The following MTCH2 variants were observed in gnomAD, a reference collection of about 807,000 sequenced individuals.
MTCH2 encodes the protein mitochondrial carrier homolog 2.
A neutral mutation model predicts 50.6 loss-of-function variants in MTCH2; 25 were observed. That is an observed-to-expected ratio of 0.49 (90% CI 0.36 to 0.69). The LOEUF (loss-of-function observed/expected upper bound fraction) is 0.69, where lower values mean the gene tolerates loss of function less well. Ranked by LOEUF, MTCH2 falls within the 30% of genes least tolerant of loss-of-function variation. The probability of loss-of-function intolerance (pLI) is 0.00; values close to 1 mark genes in which losing one functional copy is unlikely to be tolerated. For missense variants in MTCH2, 273 were observed against 384.4 expected, an observed-to-expected ratio of 0.71 and a Z score of 2.42; for synonymous variants, 106 against 132.0, an observed-to-expected ratio of 0.80 and a Z score of 1.35.
chr11:47,642,332 G>A (rs1210254919), intron 1 of MTCH2, 47 bp downstream of exon 1: 2 of 1,445,782 alleles, frequency 1.4e-6, no homozygotes, highest in Admixed American at 4.7e-5. Flanking sequence ...GAGCAGCAGC[G>A]ACCGAACGGG....
At chr11:47,612,978 A>G (rs1188997895), downstream of MTCH2, among the ~76,000 whole-genome samples, 1 of 152,070 alleles carries the variant, frequency 6.6e-6, no homozygotes, top group Non-Finnish European at 1.5e-5. Context: ...ATGATAGCTC[A>G]CCGCAGCCTC....
At chr11:47,629,125 C>G in intron 8 of MTCH2, 79 bp from the exon 9 acceptor site, 1 of 1,230,686 alleles carries the variant, frequency 8.1e-7, no homozygotes, top group Non-Finnish European at 1.2e-6. Context: ...AAATGTTTGT[C>G]AAATAATTAG....
At chr11:47,639,707 G>A (rs1197158035) in intron 1 of MTCH2, among the ~76,000 whole-genome samples, 4 of 151,894 alleles carry the variant, frequency 2.6e-5, no homozygotes, top group African/African-American at 7.3e-5. Flanking sequence ...GCGTAGGGGC[G>A]GGCGCCTGTA....
rs150994975 is a variant in MTCH2 at position 47,638,774 on chromosome 11, G to C, written c.204C>G (p.Arg68=). The change falls in exon 3 of 13, where the codon CGC becomes CGG. Residue 68 remains arginine (R), a synonymous_variant. Transcript: ENST00000302503. ...TTGGAGTTAAGCCTGTGAACAACCC[G>C]CGCCTCCCATCGATACTGGCAATGT... is the stretch of plus-strand genomic sequence containing the variant. ...AQHIASIDGR[R]GLFTGLTPRL... 1 of 1,403,298 alleles carries C rather than the reference G, an allele frequency of 7.1e-7. No individual in the cohort carries two copies. Among genetic ancestry groups the C allele is most frequent in the Non-Finnish European group, 9.3e-7 (1 of 1,078,838 alleles). The allele number at this position is 1,403,298 out of a possible 1,614,324, so 86.9% of individuals were successfully genotyped here.
At chr11:47,631,597 A>C in intron 6 of MTCH2, 57 bp downstream of exon 6, 1 of 1,547,968 alleles carries the variant, frequency 6.5e-7, no homozygotes, top group South Asian at 1.1e-5. Context: ...AACCTATCTA[A>C]GTGGTCAGGA....
chr11:47,618,836 A>C lies in MTCH2; in HGVS notation c.909T>G (p.Ile303Met). Reference sequence around the variant, plus strand: ...TCACTGTCCCTGCCCCACATCTTCAAATTAACATTTTCAGGTCACAACAAT... The same window carrying C: ...TCACTGTCCCTGCCCCACATCTTCACATTAACATTTTCAGGTCACAACAAT... ...KTYCCDLKML[I>M] Residue 303 changes from isoleucine to methionine, a missense_variant, in exon 13 of 13, where the codon ATT (isoleucine) becomes ATG (methionine). Ile to Met is a conservative substitution (Grantham distance 10). This residue lies in a region of MTCH2 where 70 missense variants were observed against 140.1 expected (regional missense o/e 0.50). Coordinates refer to ENST00000302503, the MANE Select transcript of MTCH2 (RefSeq NM_014342.4). 1 of 1,613,432 alleles carries C rather than the reference A, an allele frequency of 6.2e-7. No homozygotes were observed. The highest frequency in any genetic ancestry group is 8.5e-7 in the Non-Finnish European group (1 of 1,179,344).
At chr11:47,610,969 G>A in the MTCH2 span, among the ~76,000 whole-genome samples, 1 of 152,188 alleles carries the variant, frequency 6.6e-6, no homozygotes, top group Non-Finnish European at 1.5e-5. Context: ...TTCTCATGCC[G>A]TATCCTGCTT....
At chr11:47,620,583 G>GT (rs887865923) in intron 12 of MTCH2, among the ~76,000 whole-genome samples, 2 of 152,184 alleles carry the variant, frequency 1.3e-5, no homozygotes, top group African/African-American at 4.8e-5. Context: ...TACCCCAGGA[G>GT]TTTGAGGCTA....
At chr11:47,640,278 G>A (rs369768612) in intron 1 of MTCH2, among the ~76,000 whole-genome samples, 1 of 152,066 alleles carries the variant, frequency 6.6e-6, no homozygotes, top group East Asian at 1.9e-4. Context: ...GCAGTGAGCC[G>A]AGATTGTGCC....
intron 9 of MTCH2, among the ~76,000 whole-genome samples, chr11:47,627,585 T>C (rs2153799321): frequency 6.6e-6 from 1 of 152,168 alleles, no homozygotes; most frequent in Middle Eastern, 3.4e-3. Context: ...TCCATGTCAA[T>C]ATAGTCTATC....
At chr11:47,629,189 C>A (rs1302818463) in intron 8 of MTCH2, 143 bp from the exon 9 acceptor site, 2 of 655,846 alleles carry the variant, frequency 3.0e-6, no homozygotes, top group East Asian at 2.9e-5. Flanking sequence ...CAGAATCCAG[C>A]CCGCATACCT....
the MTCH2 span, among the ~76,000 whole-genome samples, chr11:47,608,993 T>C: frequency 3.7e-5 from 5 of 134,948 alleles, no homozygotes; most frequent in Non-Finnish European, 4.7e-5. Context: ...GGTGTGGTGG[T>C]GCACACCTAT....
intron 3 of MTCH2, 99 bp from the exon 4 acceptor site, chr11:47,635,670 A>G: frequency 8.3e-7 from 1 of 1,211,668 alleles, no homozygotes; most frequent in Non-Finnish European, 1.2e-6. Flanking sequence ...AATTAGCTGA[A>G]GTTTTTTTTA....
At chr11:47,637,583 G>A (rs7118178) in intron 3 of MTCH2, among the ~76,000 whole-genome samples, 30,505 of 151,916 alleles carry the variant, frequency 0.2, 3,891 homozygotes, top group East Asian at 0.28. Context: ...TTTTTGTGGC[G>A]TATTTTGGAA....
chr11:47,629,508 T>C (rs2097301030), intron 8 of MTCH2, among the ~76,000 whole-genome samples: 1 of 152,078 alleles, frequency 6.6e-6, no homozygotes, highest in Admixed American at 6.5e-5. Flanking sequence ...AAAACCACAT[T>C]TCTAGGGTCT....
intron 12 of MTCH2, among the ~76,000 whole-genome samples, chr11:47,621,429 T>G (rs1011022884): frequency 1.1e-5 from 1 of 92,564 alleles, no homozygotes; most frequent in East Asian, 3.4e-4. Context: ...TTTGTTGTTG[T>G]TATTGTCTTT....
At chr11:47,630,946 G>C in intron 7 of MTCH2, 90 bp downstream of exon 7, 2 of 1,062,368 alleles carry the variant, frequency 1.9e-6, no homozygotes, top group South Asian at 1.4e-5. Flanking sequence ...TCTACAAATT[G>C]TAAGGGTATC....
chr11:47,639,122 A>G, intron 1 of MTCH2, 71 bp from the exon 2 acceptor site: 1 of 1,337,082 alleles, frequency 7.5e-7, no homozygotes, highest in Non-Finnish European at 1.0e-6. Flanking sequence ...AAGGTCTTGA[A>G]TAAAGAACAC....
chr11:47,609,457 C>CAA, the MTCH2 span, among the ~76,000 whole-genome samples: 116 of 40,120 alleles, frequency 2.9e-3, 2 homozygotes, highest in African/African-American at 7.7e-3. Context: ...GATTCTGTAT[C>CAA]AAAAAAAAAA....
Sources: allele counts gnomAD v4.1 joint callset (sites outside exome capture counted in the v4.1 genomes callset), GRCh38; gene constraint gnomAD v4.1.1; regional missense constraint gnomAD v4.1.1; transcripts MANE v1.5; gene names NCBI Gene and HGNC (gene_info 2026-07-23, HGNC 2026-07-21).